The following GRIK4 variants were observed in gnomAD, a reference collection of about 807,000 sequenced individuals.
GRIK4 encodes the protein glutamate receptor ionotropic, kainate 4.
In GRIK4, 40 loss-of-function variants were observed where a neutral mutation model predicts 104.9. That is an observed-to-expected ratio of 0.38 (90% CI 0.30 to 0.50). The LOEUF (loss-of-function observed/expected upper bound fraction) is 0.50. GRIK4 is among the 20% of genes least tolerant of loss of function. GRIK4 has a pLI of 0.93. For missense variants in GRIK4, 1,047 were observed against 1,308.1 expected (o/e 0.80, Z 3.08); for synonymous variants, 485 against 524.9 (o/e 0.92, Z 1.04).
Position 120,647,005 on chromosome 11 carries a change from G to A in GRIK4, c.-158-6680G>A, listed in dbSNP as rs75770200. Among the ~76,000 whole-genome samples, 1,316 of 152,248 alleles carry A rather than the reference G, an allele frequency of 8.6e-3. 12 individuals are homozygous for A. Among genetic ancestry groups the A allele is most frequent in the Non-Finnish European group, 0.013 (862 of 68,026 alleles). On this transcript the variant is annotated intron_variant, in intron 1 of 20. Coordinates refer to ENST00000527524, the MANE Select transcript of GRIK4 (RefSeq NM_014619.5). ...CCCAGGGAACAAGTGGCAAAACCAG[G>A]TTTGAACACAGGCCTTCTGACTCCA...
chr11:120,928,213 T>TAAAA (rs5795252), intron 13 of GRIK4, among the ~76,000 whole-genome samples: 43 of 126,336 alleles, frequency 3.4e-4, no homozygotes, highest in Middle Eastern at 3.6e-3. Context: ...GACTCCGTCT[T>TAAAA]AAAAAAAAAA....
In GRIK4 at chr11:120,555,286, CT is replaced by C. The variant is rs1948176666; in HGVS notation, c.-159+43400del. 6.6e-6 allele frequency among the ~76,000 whole-genome samples: 1 copy of C among 152,164 alleles called. No individual in the cohort carries two copies. The highest frequency in any genetic ancestry group is 6.5e-5 in the Admixed American group (1 of 15,284). The stretch of plus-strand genomic sequence containing the variant: ...GTGGCTTCCTGTTTATGCATTAGGT[CT>C]GGGAGCTCTCATTACTGGCTGGTGA... On this transcript the variant is annotated intron_variant, in intron 1 of 20. Coordinates refer to ENST00000527524, the MANE Select transcript of GRIK4 (RefSeq NM_014619.5). This position sits in a 1 kb window ranked among gnomAD's most constrained non-coding sequence, Gnocchi z 5.3.
intron 4 of GRIK4, among the ~76,000 whole-genome samples, chr11:120,808,815 C>T (rs1001376803): frequency 1.3e-5 from 2 of 152,174 alleles, no homozygotes; most frequent in African/African-American, 4.8e-5. Flanking sequence ...GCACCCTCTG[C>T]TCCATTCAGG....
At chr11:120,559,318 A>G (rs1948216746) in intron 1 of GRIK4, among the ~76,000 whole-genome samples, 1 of 152,190 alleles carries the variant, frequency 6.6e-6, no homozygotes, top group Non-Finnish European at 1.5e-5. Context: ...GGGCACCAGC[A>G]TCCTGGTGAC....
At chr11:120,763,667 G>A (rs894079812) in intron 3 of GRIK4, among the ~76,000 whole-genome samples, 1 of 152,146 alleles carries the variant, frequency 6.6e-6, no homozygotes, top group African/African-American at 2.4e-5. Flanking sequence ...TGGTTTCAAA[G>A]AACTTATTTA....
intron 11 of GRIK4, among the ~76,000 whole-genome samples, chr11:120,891,713 T>C (rs764123778): frequency 6.6e-5 from 10 of 152,134 alleles, no homozygotes; most frequent in African/African-American, 2.2e-4. Flanking sequence ...GTAAGAAAGA[T>C]AGGCGGTAAG....
chr11:120,662,129 C>T (rs1373628366), intron 3 of GRIK4, among the ~76,000 whole-genome samples: 3 of 152,206 alleles, frequency 2.0e-5, no homozygotes, highest in Admixed American at 1.3e-4. Context: ...GACACTTGTG[C>T]TCTGGGAGGG....
intron 5 of GRIK4, among the ~76,000 whole-genome samples, chr11:120,816,986 C>T (rs1055354568): frequency 3.9e-5 from 6 of 152,174 alleles, no homozygotes; most frequent in Admixed American, 1.3e-4. Context: ...TTAGACCTCA[C>T]GTGTAATTTA....
chr11:120,649,838 A>C (rs1949594815), intron 1 of GRIK4, among the ~76,000 whole-genome samples: 1 of 152,146 alleles, frequency 6.6e-6, no homozygotes, highest in Non-Finnish European at 1.5e-5. Context: ...TGTTCTCTCC[A>C]AGTTGGTCTT....
chr11:120,895,435 T>A (rs1409095135), intron 11 of GRIK4, among the ~76,000 whole-genome samples: 2 of 152,202 alleles, frequency 1.3e-5, no homozygotes, highest in African/African-American at 4.8e-5. Context: ...TATCCATTTT[T>A]CAGACAGGGA....
At chr11:120,579,456 G>A (rs911704095) in intron 1 of GRIK4, among the ~76,000 whole-genome samples, 1 of 152,212 alleles carries the variant, frequency 6.6e-6, no homozygotes, top group Non-Finnish European at 1.5e-5. Context: ...GGACATAGGG[G>A]TGCGGAATGA....
chr11:120,628,689 G>A (rs914865846), intron 1 of GRIK4, among the ~76,000 whole-genome samples: 9 of 152,164 alleles, frequency 5.9e-5, no homozygotes, highest in Non-Finnish European at 1.2e-4. Context: ...AGGGGCCTGA[G>A]GAAGGCAATT....
At chr11:120,984,213 G>A (rs774983360) in intron 20 of GRIK4, among the ~76,000 whole-genome samples, 2 of 152,220 alleles carry the variant, frequency 1.3e-5, no homozygotes, top group Non-Finnish European at 2.9e-5. Context: ...CGATTTGGCT[G>A]TGGTAGAACA....
intron 3 of GRIK4, among the ~76,000 whole-genome samples, chr11:120,681,319 C>CA (rs1390660457): frequency 6.6e-6 from 1 of 152,094 alleles, no homozygotes; most frequent in African/African-American, 2.4e-5. Context: ...GTGGAATTTG[C>CA]AAGGCTCACA....
intron 14 of GRIK4, among the ~76,000 whole-genome samples, chr11:120,947,351 G>A (rs1203299834): frequency 2.0e-5 from 3 of 150,320 alleles, no homozygotes; most frequent in South Asian, 2.1e-4. Flanking sequence ...GTAGTGAGCC[G>A]AGATTGCAAC....
chr11:120,760,392 C>CAT (rs1016307112), intron 3 of GRIK4, among the ~76,000 whole-genome samples: 2 of 146,540 alleles, frequency 1.4e-5, no homozygotes, highest in Admixed American at 6.9e-5. Context: ...CATATATATA[C>CAT]ATATATATAA....
At chr11:120,543,128 GAGGA>G (rs773454220) in intron 1 of GRIK4, among the ~76,000 whole-genome samples, 3 of 152,192 alleles carry the variant, frequency 2.0e-5, no homozygotes, top group Non-Finnish European at 2.9e-5. Flanking sequence ...TATGGGGTGG[GAGGA>G]GGGATAGGAG....
At chr11:120,854,317 AG>A (rs1023474818) in intron 8 of GRIK4, among the ~76,000 whole-genome samples, 1 of 152,214 alleles carries the variant, frequency 6.6e-6, no homozygotes, top group Non-Finnish European at 1.5e-5. Flanking sequence ...CCCACTGTTA[AG>A]GGGGTTAAGG....
In GRIK4 at chr11:120,697,228, T is replaced by A. The variant is rs1950464759; in HGVS notation, c.82+36828T>A. Among the ~76,000 whole-genome samples, 2 of 152,218 alleles carry A rather than the reference T, an allele frequency of 1.3e-5. 1 individual carries two copies. Among genetic ancestry groups the A allele is most frequent in the South Asian group, 4.1e-4 (2 of 4,826 alleles). ...AGAGCCTTTGGTTGGCTGTGCTGAT[T>A]CAGGGGAACAGTGGCAGACAGTCCT... is the stretch of plus-strand genomic sequence containing the variant. On this transcript the variant is annotated intron_variant, in intron 3 of 20. Coordinates refer to ENST00000527524, the MANE Select transcript of GRIK4 (RefSeq NM_014619.5).
Sources: gnomAD v4.1 joint callset for allele counts (sites outside exome capture counted in the v4.1 genomes callset) on GRCh38, gnomAD v4.1.1 for gene constraint, Gnocchi (gnomAD v3.1) non-coding constraint, MANE v1.5 for transcripts, NCBI Gene and HGNC (gene_info 2026-07-23, HGNC 2026-07-21) for gene names.